CATSPERE: variants seen among roughly 807,000 people sequenced by gnomAD.
CATSPERE encodes the protein cation channel sperm-associated auxiliary subunit epsilon.
In CATSPERE, 93 loss-of-function variants were observed where a neutral mutation model predicts 114.1. The observed-to-expected ratio is 0.81, with a 90% CI of 0.69 to 0.97. The LOEUF is 0.97. Ranked by LOEUF, CATSPERE falls within the 50% of genes least tolerant of loss-of-function variation. The pLI is 0.00. For synonymous variants in CATSPERE, 341 were observed against 384.1 expected (o/e 0.89, Z 1.31); for missense variants, 1,058 against 1,131.6 (o/e 0.93, Z 0.93).
At chr1:244,486,673 C>T (rs1180222393) in intron 5 of CATSPERE, among the ~76,000 whole-genome samples, 2 of 120,308 alleles carry the variant, frequency 1.7e-5, no homozygotes, top group Non-Finnish European at 3.5e-5. Context: ...GTGGAGTACT[C>T]GTGGGCCAGG....
chr1:244,510,835 C>CTTTTTTTTTTTTTTTTTTTTTTTTT lies in CATSPERE; in HGVS notation c.430-7756_430-7732dup, dbSNP rs747921082. ...TTCTTTTTTTTTTCTTTTTCTTTTT[C>CTTTTTTTTTTTTTTTTTTTTTTTTT]TTTTTTTTTTTTTTTTTTTTTTTTT... On this transcript the variant is annotated intron_variant, in intron 7 of 21. Transcript: ENST00000366534. 1.3e-3 allele frequency among the ~76,000 whole-genome samples: 61 copies of CTTTTTTTTTTTTTTTTTTTTTTTTT among 48,330 alleles called. 1 individual carries two copies. The highest frequency in any genetic ancestry group is 1.6e-3 in the Non-Finnish European group (39 of 25,020). 31.7% of individuals were successfully genotyped at this position (48,330 alleles called of 152,430 possible). A position where few individuals can be genotyped will look rare whatever the true frequency, so the allele number is the denominator to read the frequency against.
At chr1:244,465,749 A>G (rs1667501163) in intron 2 of CATSPERE, among the ~76,000 whole-genome samples, 1 of 152,204 alleles carries the variant, frequency 6.6e-6, no homozygotes, top group South Asian at 2.1e-4. Context: ...GTTAGTTTTC[A>G]CAAGCAAAAA....
In CATSPERE at chr1:244,617,300, C is replaced by A. The variant is rs74152140; in HGVS notation, c.2491-229C>A. Among the ~76,000 whole-genome samples, 1,154 of 152,224 alleles carry A rather than the reference C, an allele frequency of 7.6e-3. 8 individuals carry two copies. Among genetic ancestry groups the A allele is most frequent in the African/African-American group, 0.026 (1,071 of 41,514 alleles). ...ATAATATGCTTACATATTCTCAACA[C>A]TCTAATGTAATTGTTTGTAAATACA... is the stretch of plus-strand genomic sequence containing the variant. On this transcript the variant is annotated intron_variant, in intron 19 of 21. Transcript: ENST00000366534.
Position 244,566,652 on chromosome 1 carries a change from CTTTTTTTTTTTTTTTTTT to C in CATSPERE, c.1507+5525_1507+5542del, listed in dbSNP as rs59466928. 1.9e-3 allele frequency among the ~76,000 whole-genome samples: 94 copies of C among 49,104 alleles called. 1 individual carries two copies. The highest frequency in any genetic ancestry group is 3.5e-3 in the African/African-American group (78 of 22,352). The allele number at this position is 49,104 out of a possible 152,430, so 32.2% of individuals were successfully genotyped here. On this transcript the variant is annotated intron_variant, in intron 10 of 21. Coordinates refer to ENST00000366534, the MANE Select transcript of CATSPERE (RefSeq NM_001130957.2). ...TCAGAGACTAGGATTGCAACCCCTG[CTTTTTTTTTTTTTTTTTT>C]TTTTTTTTTTTTTTTTTGCTTTCCA...
rs1675166949 is a variant in CATSPERE at position 244,640,011 on chromosome 1, A to G, written c.2786A>G (p.Tyr929Cys). 4.5e-6 allele frequency: 7 copies of G among 1,551,016 alleles called. No homozygotes were observed. The highest frequency in any genetic ancestry group is 6.1e-6 in the Non-Finnish European group (7 of 1,146,612). Residue 929 changes from tyrosine (Y) to cysteine (C), a missense_variant, in exon 22 of 22, where the codon TAC (tyrosine) becomes TGC (cysteine). Coordinates refer to ENST00000366534, the MANE Select transcript of CATSPERE (RefSeq NM_001130957.2). The part of the protein sequence containing the change: ...FTILVLSYFR[Y>C]MRIYRRYIYE... ...ATTCTTGTTTTGAGCTACTTTCGGT[A>G]CATGAGGATTTATAGACGATATATT...
chr1:244,487,567 G>A (rs994699125), intron 5 of CATSPERE, among the ~76,000 whole-genome samples: 1 of 152,168 alleles, frequency 6.6e-6, no homozygotes, highest in Non-Finnish European at 1.5e-5. Context: ...CTGCCAGCCA[G>A]CATGGGACAG....
chr1:244,466,837 A>G (rs1667670685), intron 2 of CATSPERE, among the ~76,000 whole-genome samples: 1 of 152,214 alleles, frequency 6.6e-6, no homozygotes, highest in Admixed American at 6.5e-5. Flanking sequence ...ATGGTGCTCA[A>G]TGGAAAGATG....
chr1:244,482,647 G>C (rs1054258834), intron 5 of CATSPERE, among the ~76,000 whole-genome samples: 4 of 151,956 alleles, frequency 2.6e-5, no homozygotes, highest in Non-Finnish European at 5.9e-5. Flanking sequence ...TTAATGGCTA[G>C]AAAGAGTACA....
intron 17 of CATSPERE, among the ~76,000 whole-genome samples, chr1:244,604,619 A>T (rs939651007): frequency 6.6e-6 from 1 of 152,234 alleles, no homozygotes; most frequent in Non-Finnish European, 1.5e-5. Flanking sequence ...GCAGCCTCGA[A>T]GCAAGTGCCT....
chr1:244,452,511 A>G (rs771828152), upstream of CATSPERE, among the ~76,000 whole-genome samples: 2 of 152,258 alleles, frequency 1.3e-5, no homozygotes, highest in African/African-American at 2.4e-5. Flanking sequence ...AAGTAAGGCA[A>G]TAAGATAAAG....
At chr1:244,532,481 T>A (rs1169838934) in intron 8 of CATSPERE, among the ~76,000 whole-genome samples, 1 of 152,174 alleles carries the variant, frequency 6.6e-6, no homozygotes, top group African/African-American at 2.4e-5. Flanking sequence ...TTTTGCTGTA[T>A]TCCCTAGGTT....
At chr1:244,557,573 A>G (rs528179081) in intron 9 of CATSPERE, among the ~76,000 whole-genome samples, 2 of 92,096 alleles carry the variant, frequency 2.2e-5, no homozygotes, top group Non-Finnish European at 4.1e-5. Context: ...ATATATATAT[A>G]TATATATATA....
At chr1:244,468,053 C>T (rs950940384) in intron 2 of CATSPERE, among the ~76,000 whole-genome samples, 1 of 150,012 alleles carries the variant, frequency 6.7e-6, no homozygotes, top group Non-Finnish European at 1.5e-5. Context: ...TCTTCCTTTC[C>T]TGGACAGTTT....
At chr1:244,476,003 T>C (rs2148139930) in intron 2 of CATSPERE, among the ~76,000 whole-genome samples, 1 of 152,292 alleles carries the variant, frequency 6.6e-6, no homozygotes, top group African/African-American at 2.4e-5. Flanking sequence ...TATGAGAAAT[T>C]CTAATTTTAT....
chr1:244,554,616 T>G (rs1400182658), intron 9 of CATSPERE, among the ~76,000 whole-genome samples: 1 of 152,232 alleles, frequency 6.6e-6, no homozygotes, highest in Non-Finnish European at 1.5e-5. Flanking sequence ...GATTTACATT[T>G]CCCTGATGGT....
At chr1:244,493,537 T>C (rs1184865047) in intron 6 of CATSPERE, among the ~76,000 whole-genome samples, 2 of 152,164 alleles carry the variant, frequency 1.3e-5, no homozygotes, top group Non-Finnish European at 2.9e-5. Flanking sequence ...GACATAGGCA[T>C]GGGCAAGGAC....
rs927030620 is a variant in CATSPERE at position 244,461,357 on chromosome 1, C to G, written c.-73C>G. 8.8e-6 allele frequency: 11 copies of G among 1,250,312 alleles called. No homozygotes were observed. Among genetic ancestry groups the G allele is most frequent in the African/African-American group, 1.6e-5 (1 of 64,032 alleles). The allele number at this position is 1,250,312 out of a possible 1,614,324, so 77.5% of individuals were successfully genotyped here. A position where few individuals can be genotyped will look rare whatever the true frequency, so the allele number is the denominator to read the frequency against. On this transcript the variant is annotated 5_prime_UTR_variant, in exon 1 of 22. Coordinates refer to ENST00000366534, the MANE Select transcript of CATSPERE (RefSeq NM_001130957.2). The stretch of plus-strand genomic sequence containing the variant: ...AGGCGCCTGCAGCCGCCCGCCGGGC[C>G]GACGTCCCACGGGAATGCGCGAGGC...
intron 8 of CATSPERE, among the ~76,000 whole-genome samples, chr1:244,526,889 G>A (rs985952585): frequency 2.6e-5 from 4 of 152,090 alleles, no homozygotes; most frequent in African/African-American, 4.8e-5. Flanking sequence ...ATGTCAGCAG[G>A]TTCCGTGATG....
At chr1:244,561,230 C>T in intron 10 of CATSPERE, 85 bp downstream of exon 10, 1 of 1,010,334 alleles carries the variant, frequency 9.9e-7, no homozygotes, top group Non-Finnish European at 1.5e-6. Flanking sequence ...TTTAATGTAC[C>T]AATGTGTGGC....
Sources: allele counts gnomAD v4.1 joint callset (sites outside exome capture counted in the v4.1 genomes callset), GRCh38; gene constraint gnomAD v4.1.1; transcripts MANE v1.5; gene names NCBI Gene and HGNC (gene_info 2026-07-23, HGNC 2026-07-21).